The following CD6 variants were observed in gnomAD, a reference collection of about 807,000 sequenced individuals.
CD6 encodes the protein CD6 molecule, also known as T-cell differentiation antigen CD6.
A neutral mutation model predicts 75.3 loss-of-function variants in CD6; 53 were observed. The observed-to-expected ratio is 0.70, with a 90% CI of 0.56 to 0.88. CD6 has a LOEUF of 0.88. Among genes scored for constraint, CD6 ranks in the 40% least tolerant of loss-of-function variants. CD6 has a pLI of 0.00. For missense variants in CD6, 770 were observed against 897.1 expected (o/e 0.86, Z 1.81); for synonymous variants, 359 against 381.5 (o/e 0.94, Z 0.69).
At chr11:61,016,089 C>T (rs1038163368) in intron 9 of CD6, among the ~76,000 whole-genome samples, 1 of 152,208 alleles carries the variant, frequency 6.6e-6, no homozygotes, top group Non-Finnish European at 1.5e-5. Context: ...TCTCTGGCCA[C>T]GTAAGGTCTT....
At chr11:60,996,948 C>T (rs1377571144) in intron 1 of CD6, among the ~76,000 whole-genome samples, 2 of 152,212 alleles carry the variant, frequency 1.3e-5, no homozygotes, top group African/African-American at 4.8e-5. Flanking sequence ...AGTGACTGGC[C>T]AAAGGTCACT....
Position 61,007,287 on chromosome 11 carries a change from T to C in CD6, c.119-273T>C, listed in dbSNP as rs114140570. ...GACAGGAGCAAGTGAGGAGGGTTTC[T>C]AGGGGGCTGGACCCCTAGTTGTCTG... On this transcript the variant is annotated intron_variant, in intron 2 of 12. Transcript: ENST00000313421. The surrounding 1 kb of genome is among the most constrained non-coding windows in gnomAD (Gnocchi z 4.2). Among the ~76,000 whole-genome samples the C allele has an allele frequency of 6.0e-3, 914 of 152,232 alleles. 7 individuals carry two copies. The highest frequency in any genetic ancestry group is 0.02 in the African/African-American group (841 of 41,550).
rs147355380 is a variant in CD6, at chr11:61,003,256, C to T, written c.50-3318C>T. Among the ~76,000 whole-genome samples the T allele has an allele frequency of 1.2e-3, 190 of 152,258 alleles. 2 individuals carry two copies. The highest frequency in any genetic ancestry group is 4.3e-3 in the African/African-American group (180 of 41,554). ...TTGGGCTTACAGGCGTGAGCCACCACGCCCAGCCCTAATCAATTCTTAAAC... is the reference window on the plus strand; with the variant it reads ...TTGGGCTTACAGGCGTGAGCCACCATGCCCAGCCCTAATCAATTCTTAAAC... On this transcript the variant is annotated intron_variant, in intron 1 of 12. Coordinates refer to ENST00000313421, the MANE Select transcript of CD6 (RefSeq NM_006725.5).
At chr11:60,991,874 A>G (rs1003237653) in intron 1 of CD6, among the ~76,000 whole-genome samples, 6 of 146,274 alleles carry the variant, frequency 4.1e-5, no homozygotes, top group Admixed American at 2.1e-4. Context: ...ATGTATATAT[A>G]TATGTATATA....
chr11:60,983,474 G>A (rs187149657), intron 1 of CD6, among the ~76,000 whole-genome samples: 29 of 152,180 alleles, frequency 1.9e-4, no homozygotes, highest in African/African-American at 6.5e-4. Context: ...ATTTCCCCAT[G>A]CTCTTCCCTC....
In CD6 at chr11:61,007,790, G is replaced by A. The variant is rs1012557482; in HGVS notation, c.349G>A (p.Ala117Thr). 4.1e-6 allele frequency: 6 copies of A among 1,477,382 alleles called. No homozygotes were observed. Among genetic ancestry groups the A allele is most frequent in the African/African-American group, 1.5e-5 (1 of 68,382 alleles). The allele number at this position is 1,477,382 out of a possible 1,614,324, so 91.5% of individuals were successfully genotyped here. A position where few individuals can be genotyped will look rare whatever the true frequency, so the allele number is the denominator to read the frequency against. ...PPAAGNTSVA[A>T]NATLAGAPAL... ...TGCAGCCGGGAACACCAGCGTAGCAGCTAATGCCACTCTGGCCGGGGCGCC... is the reference window on the plus strand; with the variant it reads ...TGCAGCCGGGAACACCAGCGTAGCAACTAATGCCACTCTGGCCGGGGCGCC... The change falls in exon 3 of 13, where the codon GCT becomes ACT. Residue 117 changes from alanine to threonine, a missense_variant. Ala to Thr is a moderately conservative substitution (Grantham distance 58). Coordinates refer to ENST00000313421, the MANE Select transcript of CD6 (RefSeq NM_006725.5). This position sits in a 1 kb window ranked among gnomAD's most constrained non-coding sequence, Gnocchi z 4.2.
chr11:60,973,157 A>C (rs866412543), intron 1 of CD6, among the ~76,000 whole-genome samples: 2 of 152,188 alleles, frequency 1.3e-5, no homozygotes, highest in African/African-American at 4.8e-5. Flanking sequence ...AGGGCTTCAG[A>C]CCAGCTCCTT....
chr11:61,012,378 C>T (rs1487185700), intron 6 of CD6, among the ~76,000 whole-genome samples: 2 of 152,200 alleles, frequency 1.3e-5, no homozygotes, highest in African/African-American at 4.8e-5. Context: ...CCCACATTCA[C>T]GGGTCTCCCC....
chr11:60,979,241 T>A (rs942117306), intron 1 of CD6, among the ~76,000 whole-genome samples: 1 of 152,144 alleles, frequency 6.6e-6, no homozygotes, highest in Non-Finnish European at 1.5e-5. Context: ...CCACTGAATC[T>A]AGGAACAGCC....
At chr11:60,978,701 G>A (rs1857456339) in intron 1 of CD6, among the ~76,000 whole-genome samples, 1 of 152,144 alleles carries the variant, frequency 6.6e-6, no homozygotes, top group South Asian at 2.1e-4. Context: ...CCTAGGAAGG[G>A]CACTGTATCA....
chr11:60,993,904 G>A lies in CD6; in HGVS notation c.50-12670G>A, dbSNP rs138995435. Among the ~76,000 whole-genome samples the A allele has an allele frequency of 4.6e-5, 7 of 152,306 alleles. No homozygotes were observed. The East Asian group carries it at 1.4e-3, about 29-fold the overall frequency. ...CAGCTTTCAGGAGAACATGGCTCAC[G>A]CCCTCTCACTTTCTTGGGAGAGGAG... On this transcript the variant is annotated intron_variant, in intron 1 of 12. Transcript: ENST00000313421.
At position 61,019,670 on chromosome 11, in the gene CD6, A is replaced by T. The variant is rs1359838860; in HGVS notation, c.*352A>T. On this transcript the variant is annotated 3_prime_UTR_variant, in exon 13 of 13. Transcript: ENST00000313421. The stretch of plus-strand genomic sequence containing the variant: ...CTGGATGACTCTGGAGGCCCCTTCC[A>T]AACCTCAAGTGTCCGGCGCTTTGAT... 3 of 257,010 alleles carry T rather than the reference A, an allele frequency of 1.2e-5. No homozygotes were observed. The highest frequency in any genetic ancestry group is 2.2e-5 in the Non-Finnish European group (3 of 135,884). 15.9% of individuals were successfully genotyped at this position (257,010 alleles called of 1,614,324 possible).
At chr11:60,999,212 TG>T (rs1238317709) in intron 1 of CD6, among the ~76,000 whole-genome samples, 1 of 152,068 alleles carries the variant, frequency 6.6e-6, no homozygotes, top group Non-Finnish European at 1.5e-5. Flanking sequence ...CATGTGGGCA[TG>T]TATTTTCTTT....
At chr11:61,002,494 T>C (rs2135131688) in intron 1 of CD6, among the ~76,000 whole-genome samples, 1 of 152,100 alleles carries the variant, frequency 6.6e-6, no homozygotes, top group South Asian at 2.1e-4. Context: ...GAGGTGAAGG[T>C]TGCAATGAGC....
At position 61,019,412 on chromosome 11, in the gene CD6, TC is replaced by T; in HGVS notation, c.*98del. ...CCCTTTCCCACCCTCCCAGCTCACC[TC>T]CCCATGGAGCTGAGAGGCCTCCCTT... On this transcript the variant is annotated 3_prime_UTR_variant, in exon 13 of 13. Coordinates refer to ENST00000313421, the MANE Select transcript of CD6 (RefSeq NM_006725.5). 1 of 958,180 alleles carries T rather than the reference TC, an allele frequency of 1.0e-6. No individual in the cohort carries two copies. The highest frequency in any genetic ancestry group is 1.6e-6 in the Non-Finnish European group (1 of 641,102). 59.4% of individuals were successfully genotyped at this position (958,180 alleles called of 1,614,324 possible). A position where few individuals can be genotyped will look rare whatever the true frequency, so the allele number is the denominator to read the frequency against.
At chr11:60,977,199 T>C (rs1416916175) in intron 1 of CD6, among the ~76,000 whole-genome samples, 3 of 152,176 alleles carry the variant, frequency 2.0e-5, no homozygotes, top group African/African-American at 7.2e-5. Context: ...AAGAATTAAA[T>C]TCAGTACCCA....
chr11:60,975,596 TTCAAG>T (rs1448414539), intron 1 of CD6, among the ~76,000 whole-genome samples: 4 of 151,888 alleles, frequency 2.6e-5, no homozygotes, highest in Non-Finnish European at 5.9e-5. Flanking sequence ...AACCTAGGAG[TTCAAG>T]ACCAGCTGGG....
rs1444651842 is a variant in CD6 at position 61,008,794 on chromosome 11, C to T, written c.730C>T (p.Pro244Ser). Residue 244 changes from proline (P) to serine (S), a missense_variant, in exon 4 of 13, where the codon CCA becomes TCA. By Grantham distance (74) the Pro-to-Ser change is moderately conservative (BLOSUM62 -1). Transcript: ENST00000313421. ...EAYLWDCPGL[P>S]GQHYCGHKED... ...TTACCTGTGGGACTGCCCGGGGCTG[C>T]CAGGACAGCACTACTGCGGCCACAA... The T allele has an allele frequency of 6.3e-7, 1 of 1,587,612 alleles. No individual in the cohort carries two copies. Among genetic ancestry groups the T allele is most frequent in the Non-Finnish European group, 8.6e-7 (1 of 1,164,372 alleles).
chr11:61,017,971 C>T lies in CD6; in HGVS notation c.1795C>T (p.Pro599Ser). 1 of 1,612,828 alleles carries T rather than the reference C, an allele frequency of 6.2e-7. No homozygotes were observed. Among genetic ancestry groups the T allele is most frequent in the Non-Finnish European group, 8.5e-7 (1 of 1,179,794 alleles). Residue 599 changes from proline (P) to serine (S), a missense_variant, in exon 11 of 13, where the codon CCC becomes TCC. Pro to Ser is a moderately conservative substitution (Grantham distance 74). Coordinates refer to ENST00000313421, the MANE Select transcript of CD6 (RefSeq NM_006725.5). Reference protein sequence around the residue: ...SSERSSFLEQPPNLELAGTQP... With the variant: ...SSERSSFLEQSPNLELAGTQP... ...AGAGAGGAGTTCCTTCCTGGAGCAG[C>T]CCCCAAACTTGGAGCTGGCCGGCAC...
Sources: allele counts gnomAD v4.1 joint callset (sites outside exome capture counted in the v4.1 genomes callset), GRCh38; gene constraint gnomAD v4.1.1; non-coding constraint Gnocchi (gnomAD v3.1); transcripts MANE v1.5; gene names NCBI Gene and HGNC (gene_info 2026-07-23, HGNC 2026-07-21).